The following ACP4 variants were observed in gnomAD, a reference collection of about 807,000 sequenced individuals.
ACP4 encodes the protein acid phosphatase 4.
A neutral mutation model predicts 47.3 loss-of-function variants in ACP4; 49 were observed. That is an observed-to-expected ratio of 1.04 (90% CI 0.82 to 1.32). The LOEUF (loss-of-function observed/expected upper bound fraction) is 1.32. ACP4 is among the 40% of genes most tolerant of loss of function. The pLI is 0.00. For synonymous variants in ACP4, 299 were observed against 265.3 expected (o/e 1.13, Z -1.23); for missense variants, 594 against 579.3 (o/e 1.03, Z -0.26).
At chr19:50,793,440 G>A (rs900255302) in intron 6 of ACP4, 10 of 510,808 alleles carry the variant, frequency 2.0e-5, no homozygotes, top group South Asian at 6.2e-5. Flanking sequence ...ACCTGAACCC[G>A]AGAGGCAAGG....
chr19:50,790,601 G>T lies in ACP4; in HGVS notation c.119G>T (p.Arg40Leu). The change falls in exon 2 of 11, where the codon CGC (arginine) becomes CTC (leucine). Residue 40 changes from arginine to leucine, a missense_variant. By Grantham distance (102) the Arg-to-Leu change is moderately radical. Transcript: ENST00000270593. ...GPLVFVALVF[R>L]HGDRAPLASY... ...GACCAGTCCTGTCCCCAGGTATTCC[G>T]CCATGGCGACCGGGCCCCGCTGGCC... 6.4e-7 allele frequency: 1 copy of T among 1,550,522 alleles called. No individual in the cohort carries two copies. Among genetic ancestry groups the T allele is most frequent in the Non-Finnish European group, 8.7e-7 (1 of 1,147,800 alleles).
rs752762071 is a variant in ACP4, at chr19:50,793,876, T to C, written c.779-12T>C. 5 of 1,614,024 alleles carry C rather than the reference T, an allele frequency of 3.1e-6. No individual in the cohort carries two copies. In the Admixed American group the frequency reaches 5.0e-5, roughly 16 times the overall value. ...CTCTGGGAGAGTCTAAGCTCTTTTT[T>C]CCCATCCTCAGGGATCCTGCTGAAT... On this transcript the variant is annotated splice_polypyrimidine_tract_variant and intron_variant, in intron 7 of 10. Coordinates refer to ENST00000270593, the MANE Select transcript of ACP4 (RefSeq NM_033068.3).
intron 10 of ACP4, 39 bp downstream of exon 10, chr19:50,795,003 C>G: frequency 6.2e-7 from 1 of 1,613,240 alleles, no homozygotes; most frequent in Non-Finnish European, 8.5e-7. Flanking sequence ...TGGAGGGTTG[C>G]CAAGTCCTGG....
Position 50,795,065 on chromosome 19 carries a change from C to T in ACP4, c.1188C>T (p.Ala396=), listed in dbSNP as rs10415569. The T allele has an allele frequency of 9.8e-4, 1,564 of 1,603,442 alleles. 19 individuals are homozygous for T. The African/African-American group carries it at 0.018, about 19-fold the overall frequency. Residue 396 remains alanine (A), a synonymous_variant, in exon 11 of 11, where the codon GCC becomes GCT. Coordinates refer to ENST00000270593, the MANE Select transcript of ACP4 (RefSeq NM_033068.3). ...IPPAPVVPLL[A]GAVAVLVALS... is the part of the protein sequence containing the mutation. Reference sequence around the variant, plus strand: ...CAGCTCCAGTGGTGCCCCTGCTGGCCGGAGCTGTAGCTGTGCTGGTGGCAC... The same window carrying T: ...CAGCTCCAGTGGTGCCCCTGCTGGCTGGAGCTGTAGCTGTGCTGGTGGCAC...
chr19:50,792,062 G>C lies in ACP4; in HGVS notation c.451-11G>C, dbSNP rs2089513693. ...ACACGGCTGTCCTCTCTGAGACTCA[G>C]TTTTCCCCAGCTGCTGAGGTTCCCC... On this transcript the variant is annotated splice_polypyrimidine_tract_variant and intron_variant, in intron 4 of 10. Coordinates refer to ENST00000270593, the MANE Select transcript of ACP4 (RefSeq NM_033068.3). 1 of 1,565,612 alleles carries C rather than the reference G, an allele frequency of 6.4e-7. No individual in the cohort carries two copies.
chr19:50,790,820 G>C lies in ACP4; in HGVS notation c.263G>C (p.Arg88Pro). ...GAGCTGGGCCGCTTCCTGAGGAGCC[G>C]CTACGAGGCCTTCCTGAGTCCGGAG... ...QLELGRFLRS[R>P]YEAFLSPEYR... is the part of the protein sequence containing the mutation. The change falls in exon 3 of 11, where the codon CGC (arginine) becomes CCC (proline). Residue 88 changes from arginine to proline, a missense_variant. By Grantham distance (103) the Arg-to-Pro change is moderately radical. Coordinates refer to ENST00000270593, the MANE Select transcript of ACP4 (RefSeq NM_033068.3). The C allele has an allele frequency of 6.5e-7, 1 of 1,548,810 alleles. No individual in the cohort carries two copies. Among genetic ancestry groups the C allele is most frequent in the South Asian group, 1.2e-5 (1 of 83,940 alleles).
At chr19:50,792,674 TGC>T in intron 6 of ACP4, 2 of 174,880 alleles carry the variant, frequency 1.1e-5, no homozygotes, top group Admixed American at 6.3e-5. Context: ...AATGATGCAA[TGC>T]TTTTTTTTTT....
chr19:50,790,670 G>T lies in ACP4; in HGVS notation c.188G>T (p.Trp63Leu). ...DPHKEVASTL[W>L]PRGLGQLTTE... is the part of the protein sequence containing the mutation. ...CACAAGGAGGTGGCCTCCACCCTGT[G>T]GCCACGAGGCCTGGGCCAGCTGACC... Residue 63 changes from tryptophan (W) to leucine (L), a missense_variant, in exon 2 of 11, where the codon TGG becomes TTG. By Grantham distance (61) the Trp-to-Leu change is moderately conservative. Transcript: ENST00000270593. 1 of 1,543,538 alleles carries T rather than the reference G, an allele frequency of 6.5e-7. No homozygotes were observed.
In ACP4 at chr19:50,792,252, G is replaced by A; in HGVS notation, c.560G>A (p.Ser187Asn). 1.2e-6 allele frequency: 2 copies of A among 1,613,306 alleles called. No homozygotes were observed. Among genetic ancestry groups the A allele is most frequent in the Non-Finnish European group, 8.5e-7 (1 of 1,179,990 alleles). The part of the protein sequence containing the change: ...EALEGWTGFL[S>N]RLENFTGLSL... ...GCCCCGCGCATCCAGGGCTTCCTGA[G>A]TCGCCTGGAGAACTTCACGGGACTG... Residue 187 changes from serine to asparagine, a missense_variant, in exon 6 of 11, where the codon AGT becomes AAT. Physicochemically the swap from Ser to Asn is conservative, Grantham distance 46. Transcript: ENST00000270593.
chr19:50,792,619 C>A, intron 6 of ACP4: 1 of 354,708 alleles, frequency 2.8e-6, no homozygotes, highest in Non-Finnish European at 5.1e-6. Context: ...CCCCACAGTC[C>A]TATAATCAGA....
intron 8 of ACP4, 99 bp from the exon 9 acceptor site, chr19:50,794,358 T>A: frequency 1.3e-6 from 2 of 1,522,754 alleles, no homozygotes; most frequent in Non-Finnish European, 1.8e-6. Context: ...GGGGGGTTGG[T>A]TCTAAGAAGC....
Position 50,794,528 on chromosome 19 carries a change from C to T in ACP4, c.933C>T (p.Ala311=). The change falls in exon 9 of 11, where the codon GCC becomes GCT. Residue 311 remains alanine, a synonymous_variant. Coordinates refer to ENST00000270593, the MANE Select transcript of ACP4 (RefSeq NM_033068.3). ...ATGGACACACCCCGCCATATGCTGC[C>T]TGCCTCGGCTTTGAGTTCCGGAAGC... ...LYDGHTPPYA[A]CLGFEFRKHL... is the part of the protein sequence containing the mutation. 4 of 1,614,060 alleles carry T rather than the reference C, an allele frequency of 2.5e-6. No homozygotes were observed. Among genetic ancestry groups the T allele is most frequent in the Non-Finnish European group, 3.4e-6 (4 of 1,180,014 alleles).
Position 50,795,030 on chromosome 19 carries a change from G to A in ACP4, c.1166-13G>A, listed in dbSNP as rs1555756232. 2.5e-6 allele frequency: 4 copies of A among 1,609,766 alleles called. No homozygotes were observed. Among genetic ancestry groups the A allele is most frequent in the South Asian group, 2.2e-5 (2 of 91,014 alleles). On this transcript the variant is annotated splice_polypyrimidine_tract_variant and intron_variant, in intron 10 of 10. Coordinates refer to ENST00000270593, the MANE Select transcript of ACP4 (RefSeq NM_033068.3). The stretch of plus-strand genomic sequence containing the variant: ...AAGTCCTGGCACTCACCCCCCGCGT[G>A]TTCTCCCTGCAGCTCCAGTGGTGCC...
chr19:50,793,877 C>T lies in ACP4; in HGVS notation c.779-11C>T, dbSNP rs1361373213. On this transcript the variant is annotated splice_polypyrimidine_tract_variant and intron_variant, in intron 7 of 10. Coordinates refer to ENST00000270593, the MANE Select transcript of ACP4 (RefSeq NM_033068.3). ...TCTGGGAGAGTCTAAGCTCTTTTTT[C>T]CCATCCTCAGGGATCCTGCTGAATG... 6.2e-7 allele frequency: 1 copy of T among 1,614,134 alleles called. No individual in the cohort carries two copies. The highest frequency in any genetic ancestry group is 1.7e-5 in the Admixed American group (1 of 60,034).
In ACP4 at chr19:50,792,145, T is replaced by A; in HGVS notation, c.523T>A (p.Tyr175Asn). 6.2e-7 allele frequency: 1 copy of A among 1,609,654 alleles called. No homozygotes were observed. Among genetic ancestry groups the A allele is most frequent in the East Asian group, 2.2e-5 (1 of 44,794 alleles). Residue 175 changes from tyrosine to asparagine, a missense_variant, in exon 5 of 11, where the codon TAC (tyrosine) becomes AAC (asparagine). By Grantham distance (143) the Tyr-to-Asn change is moderately radical. Coordinates refer to ENST00000270593, the MANE Select transcript of ACP4 (RefSeq NM_033068.3). ...LLREATEAAE[Y>N]QEALEGWTGF... ...GCGGGAGGCCACCGAGGCCGCCGAG[T>A]ACCAGGAGGCCCTGGAGGGCTGGAC...
chr19:50,791,780 CGGT>C lies in ACP4; in HGVS notation c.430_432del (p.Val144del). ...CGCTGGAGGCCGATCCCGGTGCACA[CGGT>C]GCCCGTGGCTGAGGATAAGGTCAGG... On this transcript the variant is annotated inframe_deletion, in exon 4 of 11. Coordinates refer to ENST00000270593, the MANE Select transcript of ACP4 (RefSeq NM_033068.3). The C allele has an allele frequency of 6.2e-7, 1 of 1,610,448 alleles. No individual in the cohort carries two copies.
rs1158638322 is a variant in ACP4 at position 50,792,244 on chromosome 19, C to A, written c.552C>A (p.Gly184=). The A allele has an allele frequency of 2.5e-6, 4 of 1,613,046 alleles. No individual in the cohort carries two copies. Among genetic ancestry groups the A allele is most frequent in the South Asian group, 1.1e-5 (1 of 91,084 alleles). The part of the protein sequence containing the change: ...EYQEALEGWT[G]FLSRLENFTG... ...CTCACCCAGCCCCGCGCATCCAGGG[C>A]TTCCTGAGTCGCCTGGAGAACTTCA... Residue 184 remains glycine, a splice_region_variant and synonymous_variant, in exon 6 of 11, where the codon GGC becomes GGA. Transcript: ENST00000270593.
At position 50,790,458 on chromosome 19, in the gene ACP4, T is replaced by G; in HGVS notation, c.44T>G (p.Leu15Arg). ...TGGGGCCACCCTGCTGGACCTCTCCTGCTGCTGCTGCTGCTGGTGCTGCCA... is the reference window on the plus strand; with the variant it reads ...TGGGGCCACCCTGCTGGACCTCTCCGGCTGCTGCTGCTGCTGGTGCTGCCA... ...GFWGHPAGPLLLLLLLVLPPR... is the reference protein window; with the variant it reads ...GFWGHPAGPLRLLLLLVLPPR... The change falls in exon 1 of 11, where the codon CTG (leucine) becomes CGG (arginine). Residue 15 changes from leucine (L) to arginine (R), a missense_variant. By Grantham distance (102) the Leu-to-Arg change is moderately radical (BLOSUM62 -2). Coordinates refer to ENST00000270593, the MANE Select transcript of ACP4 (RefSeq NM_033068.3). The G allele has an allele frequency of 3.4e-6, 5 of 1,452,546 alleles. No homozygotes were observed. The highest frequency in any genetic ancestry group is 2.5e-5 in the East Asian group (1 of 39,434). The allele number at this position is 1,452,546 out of a possible 1,614,324, so 90.0% of individuals were successfully genotyped here.
rs1430210220 is a variant in ACP4, at chr19:50,791,728, G to C, written c.376G>C (p.Glu126Gln). 1.5e-5 allele frequency: 24 copies of C among 1,613,112 alleles called. No individual in the cohort carries two copies. The highest frequency in any genetic ancestry group is 1.7e-4 in the Middle Eastern group (1 of 6,060). Residue 126 changes from glutamate to glutamine, a missense_variant, in exon 4 of 11, where the codon GAG becomes CAG. Coordinates refer to ENST00000270593, the MANE Select transcript of ACP4 (RefSeq NM_033068.3). ...GGCCAACCTTGCCGGGCTGTTTCCC[G>C]AGGCTGCTCCAGGGAGCCCCGAGGC... ...AQANLAGLFP[E>Q]AAPGSPEARW...
Sources: allele counts gnomAD v4.1 joint callset, GRCh38; gene constraint gnomAD v4.1.1; transcripts MANE v1.5; gene names NCBI Gene and HGNC (gene_info 2026-07-23, HGNC 2026-07-21).